Variants in MCHR2 observed in about 807,000 individuals in gnomAD.
MCHR2 encodes the protein melanin concentrating hormone receptor 2.
In MCHR2, 15 loss-of-function variants were observed where a neutral mutation model predicts 24.8. That is an observed-to-expected ratio of 0.60 (90% confidence interval 0.40 to 0.93). The LOEUF is 0.93. Ranked by LOEUF, MCHR2 falls within the 40% of genes least tolerant of loss-of-function variation. MCHR2 has a pLI of 0.00. For missense variants in MCHR2, 386 were observed against 408.7 expected (o/e 0.94, Z 0.48); for synonymous variants, 151 against 147.6 (o/e 1.02, Z -0.17).
intron 1 of MCHR2, among the ~76,000 whole-genome samples, chr6:99,983,173 G>C (rs1392952569): frequency 6.6e-6 from 1 of 151,668 alleles, no homozygotes; most frequent in Non-Finnish European, 1.5e-5. Context: ...GTTTTACCAT[G>C]TTGTCCAGGT....
In MCHR2 at chr6:99,943,102, C is replaced by T. The variant is rs138015501; in HGVS notation, c.434G>A (p.Arg145Lys). 4.2e-5 allele frequency: 67 copies of T among 1,611,238 alleles called. No homozygotes were observed. The Admixed American group carries it at 5.0e-4, about 12-fold the overall frequency. Residue 145 changes from arginine to lysine, a missense_variant, in exon 4 of 6, where the codon AGA (arginine) becomes AAA (lysine). Physicochemically the swap from Arg to Lys is conservative, Grantham distance 26. Coordinates refer to ENST00000281806, the MANE Select transcript of MCHR2 (RefSeq NM_001040179.2). Reference sequence around the variant, plus strand: ...GATCCGGATGGTCTTGTACCTTGTTCTCCAACGTGTCAGTCGAAATGGTTG... The same window carrying T: ...GATCCGGATGGTCTTGTACCTTGTTTTCCAACGTGTCAGTCGAAATGGTTG... ...LVQPFRLTRW[R>K]TRYKTIRINL...
chr6:99,981,751 C>T (rs9403322), intron 1 of MCHR2, among the ~76,000 whole-genome samples: 1 of 151,930 alleles, frequency 6.6e-6, no homozygotes, highest in Non-Finnish European at 1.5e-5. Flanking sequence ...ATGAAAGTCT[C>T]TTTCCCTCCT....
chr6:99,984,229 T>A (rs897680111), intron 1 of MCHR2, among the ~76,000 whole-genome samples: 5 of 118,788 alleles, frequency 4.2e-5, no homozygotes, highest in Admixed American at 2.8e-4. Flanking sequence ...CTGTATCTTT[T>A]TGTTTTTTAT....
At chr6:99,930,539 T>A (rs934467470) in intron 5 of MCHR2, among the ~76,000 whole-genome samples, 1 of 152,050 alleles carries the variant, frequency 6.6e-6, no homozygotes, top group South Asian at 2.1e-4. Context: ...TGTTCGTTTC[T>A]TTTTATTCTT....
At position 99,947,770 on chromosome 6, in the gene MCHR2, A is replaced by G. The variant is rs1321262950; in HGVS notation, c.384T>C (p.Ser128=). The G allele has an allele frequency of 1.2e-6, 2 of 1,613,554 alleles. No homozygotes were observed. The highest frequency in any genetic ancestry group is 1.7e-6 in the Non-Finnish European group (2 of 1,179,686). ...CAAAGTCTTTCACTTACCTGTCCACACTCATTACAGTCATGATGGCACTAC... is the reference window on the plus strand; with the variant it reads ...CAAAGTCTTTCACTTACCTGTCCACGCTCATTACAGTCATGATGGCACTAC... ...FACSAIMTVM[S]VDRYFALVQP... is the part of the protein sequence containing the mutation. Residue 128 remains serine, a synonymous_variant, in exon 3 of 6, where the codon AGT becomes AGC. Transcript: ENST00000281806.
chr6:99,933,591 G>C (rs1774589638), intron 5 of MCHR2, among the ~76,000 whole-genome samples: 1 of 151,966 alleles, frequency 6.6e-6, no homozygotes, highest in Non-Finnish European at 1.5e-5. Context: ...TTTGGTTCAA[G>C]GGTTTGCCAC....
intron 5 of MCHR2, among the ~76,000 whole-genome samples, chr6:99,924,887 A>G (rs1562116317): frequency 6.6e-6 from 1 of 152,156 alleles, no homozygotes; most frequent in African/African-American, 2.4e-5. Context: ...TCATTGGATG[A>G]GATGTCCTGT....
At chr6:99,988,765 T>C (rs1314796504) in intron 1 of MCHR2, among the ~76,000 whole-genome samples, 1 of 152,220 alleles carries the variant, frequency 6.6e-6, no homozygotes, top group African/African-American at 2.4e-5. Context: ...TATAGAGGAT[T>C]AGAAGACACA....
chr6:99,976,042 A>T (rs1775542709), intron 1 of MCHR2, among the ~76,000 whole-genome samples: 1 of 152,210 alleles, frequency 6.6e-6, no homozygotes, highest in South Asian at 2.1e-4. Flanking sequence ...AGCTTATACA[A>T]CTAGGGGAAG....
chr6:99,974,488 C>A (rs147257247), intron 1 of MCHR2, among the ~76,000 whole-genome samples: 3,182 of 152,272 alleles, frequency 0.021, 54 homozygotes, highest in Non-Finnish European at 0.032. Context: ...TTTTTAACTT[C>A]TTTGCCATTG....
intron 2 of MCHR2, among the ~76,000 whole-genome samples, chr6:99,953,329 G>C (rs1006578880): frequency 6.6e-6 from 1 of 152,100 alleles, no homozygotes; most frequent in Non-Finnish European, 1.5e-5. Context: ...TTCAATGGTG[G>C]TACCAAGGCT....
At chr6:99,940,060 G>A (rs1049693532) in intron 4 of MCHR2, among the ~76,000 whole-genome samples, 1 of 151,562 alleles carries the variant, frequency 6.6e-6, no homozygotes, top group Non-Finnish European at 1.5e-5. Flanking sequence ...ATGCCTTGGG[G>A]TACAGTCTTT....
At chr6:99,926,742 T>G (rs1774368630) in intron 5 of MCHR2, among the ~76,000 whole-genome samples, 1 of 152,224 alleles carries the variant, frequency 6.6e-6, no homozygotes, top group Non-Finnish European at 1.5e-5. Context: ...ATCAGCCCTT[T>G]GTCAGATGAG....
chr6:99,942,387 T>C (rs1284403660), intron 4 of MCHR2, among the ~76,000 whole-genome samples: 1 of 152,192 alleles, frequency 6.6e-6, no homozygotes, highest in Non-Finnish European at 1.5e-5. Context: ...TCTTCACCTG[T>C]ATTCTCTTTT....
chr6:99,927,189 A>G (rs570477680), intron 5 of MCHR2, among the ~76,000 whole-genome samples: 1 of 151,956 alleles, frequency 6.6e-6, no homozygotes, highest in African/African-American at 2.4e-5. Context: ...TGTTCCATTG[A>G]TCTATATCTC....
At chr6:99,972,982 C>T (rs1455562203) in intron 1 of MCHR2, among the ~76,000 whole-genome samples, 1 of 152,032 alleles carries the variant, frequency 6.6e-6, no homozygotes, top group Non-Finnish European at 1.5e-5. Flanking sequence ...TTACTTCCAA[C>T]TATGTGGTCC....
intron 1 of MCHR2, among the ~76,000 whole-genome samples, chr6:99,990,849 C>G (rs1775859823): frequency 6.6e-6 from 1 of 150,690 alleles, no homozygotes; most frequent in African/African-American, 2.5e-5. Flanking sequence ...CAGTATCCAC[C>G]TCTCCTCCTT....
At chr6:99,929,726 G>A (rs1285119695) in intron 5 of MCHR2, among the ~76,000 whole-genome samples, 1 of 151,924 alleles carries the variant, frequency 6.6e-6, no homozygotes, top group African/African-American at 2.4e-5. Context: ...TTGAGCCTAT[G>A]TGTGTCTCTG....
At chr6:99,948,615 C>T in intron 2 of MCHR2, among the ~76,000 whole-genome samples, 1 of 152,116 alleles carries the variant, frequency 6.6e-6, no homozygotes. Context: ...GACCATTGGA[C>T]ACACGTGAGA....
Sources: allele counts gnomAD v4.1 joint callset (sites outside exome capture counted in the v4.1 genomes callset), GRCh38; gene constraint gnomAD v4.1.1; transcripts MANE v1.5; gene names NCBI Gene and HGNC (gene_info 2026-07-23, HGNC 2026-07-21).